Variants in SCARA3 observed in about 807,000 individuals in gnomAD.
The protein encoded by SCARA3 is scavenger receptor class A member 3.
A neutral mutation model predicts 47.0 loss-of-function variants in SCARA3; 39 were observed. The observed-to-expected ratio is 0.83, with a 90% CI of 0.64 to 1.08. The LOEUF (loss-of-function observed/expected upper bound fraction) is 1.08. SCARA3 is among the 50% of genes least tolerant of loss of function. SCARA3 has a pLI of 0.00. For missense variants in SCARA3, 724 were observed against 792.3 expected, an observed-to-expected ratio of 0.91 and a Z score of 1.04; for synonymous variants, 356 against 334.1, an observed-to-expected ratio of 1.07 and a Z score of -0.71.
downstream of SCARA3, among the ~76,000 whole-genome samples, chr8:27,675,073 G>A (rs1802246639): frequency 6.6e-6 from 1 of 152,124 alleles, no homozygotes; most frequent in Non-Finnish European, 1.5e-5. Context: ...GGAAGCCACA[G>A]ACCTGGCTCA....
chr8:27,658,896 CGAG>C lies in SCARA3; in HGVS notation c.730_732del (p.Glu244del). 6.2e-7 allele frequency: 1 copy of C among 1,614,160 alleles called. No homozygotes were observed. Among genetic ancestry groups the C allele is most frequent in the Non-Finnish European group, 8.5e-7 (1 of 1,180,036 alleles). ...TCCACGGGATCCAGCGGAAGACAGA[CGAG>C]GAGACCCTGACCCTCCAGAAGATTG... On this transcript the variant is annotated inframe_deletion, in exon 5 of 6. Coordinates refer to ENST00000301904, the MANE Select transcript of SCARA3 (RefSeq NM_016240.3).
the SCARA3 span, among the ~76,000 whole-genome samples, chr8:27,706,512 G>GA: frequency 6.6e-6 from 1 of 152,134 alleles, no homozygotes; most frequent in Non-Finnish European, 1.5e-5. Context: ...TCCAGTAGGG[G>GA]AATGAGATGA....
the SCARA3 span, among the ~76,000 whole-genome samples, chr8:27,693,143 A>AAAG: frequency 0.096 from 4,770 of 49,478 alleles, 124 homozygotes; most frequent in Middle Eastern, 0.24. Flanking sequence ...AAAAAAAAAG[A>AAAG]AAAAGAAAAG....
chr8:27,650,195 A>T (rs904429467), intron 2 of SCARA3, among the ~76,000 whole-genome samples: 1 of 151,944 alleles, frequency 6.6e-6, no homozygotes, highest in Non-Finnish European at 1.5e-5. Context: ...GAGTCTTGCT[A>T]TGTTGCCCAG....
the SCARA3 span, among the ~76,000 whole-genome samples, chr8:27,717,230 G>A: frequency 6.6e-6 from 1 of 152,110 alleles, no homozygotes; most frequent in Non-Finnish European, 1.5e-5. Context: ...CAAATTTCCT[G>A]GAAGATTAAA....
At chr8:27,669,065 C>A (rs1014752631) in intron 5 of SCARA3, among the ~76,000 whole-genome samples, 1 of 151,888 alleles carries the variant, frequency 6.6e-6, no homozygotes, top group African/African-American at 2.4e-5. Flanking sequence ...ACCCAGAAGG[C>A]GAGAGTGGAG....
At chr8:27,679,526 C>T (rs1365453087), downstream of SCARA3, among the ~76,000 whole-genome samples, 2 of 151,932 alleles carry the variant, frequency 1.3e-5, no homozygotes, top group African/African-American at 2.4e-5. Flanking sequence ...ACAACAGCAA[C>T]AAAAAAATTT....
chr8:27,677,350 AG>A (rs1802294415), downstream of SCARA3, among the ~76,000 whole-genome samples: 1 of 152,170 alleles, frequency 6.6e-6, no homozygotes, highest in Non-Finnish European at 1.5e-5. Context: ...ACTGAGCAGG[AG>A]GGAGCTGTGC....
chr8:27,668,533 C>T (rs992827041), intron 5 of SCARA3, among the ~76,000 whole-genome samples: 5 of 116,222 alleles, frequency 4.3e-5, no homozygotes, highest in South Asian at 6.3e-4. Context: ...GGCGACAGAG[C>T]GAGACTCCGT....
At chr8:27,677,156 AGCTT>A (rs1278480409), downstream of SCARA3, among the ~76,000 whole-genome samples, 1 of 152,204 alleles carries the variant, frequency 6.6e-6, no homozygotes, top group Non-Finnish European at 1.5e-5. Flanking sequence ...AGTTGCAACT[AGCTT>A]CCCCATACTG....
intron 1 of SCARA3, among the ~76,000 whole-genome samples, chr8:27,639,831 G>A (rs1179049675): frequency 6.6e-6 from 1 of 152,186 alleles, no homozygotes; most frequent in Admixed American, 6.5e-5. Context: ...AAAGTTCCAA[G>A]GGGGAGGAAA....
chr8:27,682,997 TA>T, the SCARA3 span, among the ~76,000 whole-genome samples: 164 of 152,128 alleles, frequency 1.1e-3, no homozygotes, highest in African/African-American at 3.8e-3. Context: ...GATTTGTTTA[TA>T]ATTAGCCAGA....
At chr8:27,701,509 A>T in the SCARA3 span, 2 of 151,910 alleles carry the variant, frequency 1.3e-5, no homozygotes, top group Non-Finnish European at 2.9e-5. Flanking sequence ...TTCCTAGCTG[A>T]GAGATGCTTT....
intron 1 of SCARA3, among the ~76,000 whole-genome samples, chr8:27,642,646 G>T (rs1049352394): frequency 6.6e-6 from 1 of 152,130 alleles, no homozygotes; most frequent in South Asian, 2.1e-4. Context: ...AACATAGTGA[G>T]ATCTTGTCTC....
the SCARA3 span, among the ~76,000 whole-genome samples, chr8:27,683,093 C>A: frequency 2.0e-5 from 3 of 151,830 alleles, no homozygotes; most frequent in Non-Finnish European, 4.4e-5. Context: ...GCGGCATACC[C>A]ACAGTCAAAA....
At chr8:27,681,831 T>C in the SCARA3 span, among the ~76,000 whole-genome samples, 1 of 152,246 alleles carries the variant, frequency 6.6e-6, no homozygotes, top group African/African-American at 2.4e-5. Flanking sequence ...GGATGATATA[T>C]CTCTGTACCC....
At chr8:27,709,284 GA>G in the SCARA3 span, among the ~76,000 whole-genome samples, 1 of 152,174 alleles carries the variant, frequency 6.6e-6, no homozygotes, top group Non-Finnish European at 1.5e-5. Flanking sequence ...ATTTTTACAA[GA>G]AAAGATTTCT....
Position 27,671,250 on chromosome 8 carries a change from GGCCA to G in SCARA3, c.1723_1726del (p.Gln575GlyfsTer88). 1.3e-6 allele frequency: 2 copies of G among 1,490,350 alleles called. No homozygotes were observed. The highest frequency in any genetic ancestry group is 1.8e-6 in the Non-Finnish European group (2 of 1,124,582). 92.3% of individuals were successfully genotyped at this position (1,490,350 alleles called of 1,614,324 possible). ...AATTGCAGGGAAGACAGGGTCACCA[GGCCA>G]GCGGGGGGCCATGGGGCCTAAGGGT... On this transcript the variant is annotated frameshift_variant, in exon 6 of 6. Coordinates refer to ENST00000301904, the MANE Select transcript of SCARA3 (RefSeq NM_016240.3). LOFTEE classifies it high-confidence loss of function.
chr8:27,716,543 G>A, the SCARA3 span, among the ~76,000 whole-genome samples: 9 of 152,116 alleles, frequency 5.9e-5, no homozygotes, highest in Admixed American at 5.9e-4. Context: ...AAATTCATTG[G>A]ATGAAATAGG....
Sources: allele counts gnomAD v4.1 joint callset (sites outside exome capture counted in the v4.1 genomes callset), GRCh38; gene constraint gnomAD v4.1.1; transcripts MANE v1.5; gene names NCBI Gene and HGNC (gene_info 2026-07-23, HGNC 2026-07-21).